The following PAPOLG variants were observed in gnomAD, a reference collection of about 807,000 sequenced individuals.
The protein encoded by PAPOLG is PAP-gamma.
Under a neutral mutation model 99.0 loss-of-function variants are expected in PAPOLG, and 40 were observed. The ratio of observed to expected loss-of-function variants is 0.40; its 90% CI spans 0.31 to 0.53. PAPOLG has a LOEUF of 0.53. Ranked by LOEUF, PAPOLG falls within the 20% of genes least tolerant of loss-of-function variation. The probability of loss-of-function intolerance (pLI) is 0.41; values close to 1 mark genes in which losing one functional copy is unlikely to be tolerated. For missense variants in PAPOLG, 675 were observed against 884.1 expected, an observed-to-expected ratio of 0.76 and a Z score of 3.00; for synonymous variants, 310 against 299.3, an observed-to-expected ratio of 1.04 and a Z score of -0.37.
rs550940295 is a variant in PAPOLG, at chr2:60,795,207, A to G, written c.2112+187A>G. On this transcript the variant is annotated intron_variant, in intron 21 of 21. Coordinates refer to ENST00000238714, the MANE Select transcript of PAPOLG (RefSeq NM_022894.4). ...TATAGTTCTGAATGTATGTACCTCA[A>G]AAGTCTAAAAAAGAGGCAGTAGTTT... 6.3e-4 allele frequency: 415 copies of G among 661,230 alleles called. 1 individual carries two copies. Among genetic ancestry groups the G allele is most frequent in the Middle Eastern group, 2.4e-3 (9 of 3,800 alleles). The allele number at this position is 661,230 out of a possible 1,614,324, so 41.0% of individuals were successfully genotyped here.
At chr2:60,777,110 T>G (rs1403470220) in intron 8 of PAPOLG, among the ~76,000 whole-genome samples, 2 of 152,200 alleles carry the variant, frequency 1.3e-5, no homozygotes, top group Non-Finnish European at 2.9e-5. Context: ...GATTAGACTT[T>G]GGCCTAAGGA....
rs548968984 is a variant in PAPOLG, at chr2:60,800,783, A to G, written c.*3623A>G. The G allele has an allele frequency of 2.0e-5, 3 of 152,320 alleles. No homozygotes were observed. The highest frequency in any genetic ancestry group is 2.9e-5 in the Non-Finnish European group (2 of 68,022). 9.4% of individuals were successfully genotyped at this position (152,320 alleles called of 1,614,324 possible). A position where few individuals can be genotyped will look rare whatever the true frequency, so the allele number is the denominator to read the frequency against. On this transcript the variant is annotated 3_prime_UTR_variant, in exon 22 of 22. Transcript: ENST00000238714. ...TTTAGATCAGCTTCTCGAAGTGGCAAAAGTATGGGAGTTAGGGTTAGGAAC... is the reference window on the plus strand; with the variant it reads ...TTTAGATCAGCTTCTCGAAGTGGCAGAAGTATGGGAGTTAGGGTTAGGAAC...
At chr2:60,773,002 T>C (rs1233881631) in intron 7 of PAPOLG, among the ~76,000 whole-genome samples, 1 of 152,186 alleles carries the variant, frequency 6.6e-6, no homozygotes, top group African/African-American at 2.4e-5. Flanking sequence ...CTCAGCTCTC[T>C]GCAACCTCCG....
At chr2:60,779,562 G>A (rs1671129094) in intron 8 of PAPOLG, 75 bp from the exon 9 acceptor site, 1 of 1,472,714 alleles carries the variant, frequency 6.8e-7, no homozygotes, top group Middle Eastern at 1.8e-4. Flanking sequence ...CATTCACCTT[G>A]TAAAGAGCAG....
At position 60,760,145 on chromosome 2, in the gene PAPOLG, T is replaced by C; in HGVS notation, c.29T>C (p.Leu10Pro). 6.2e-7 allele frequency: 1 copy of C among 1,614,060 alleles called. No homozygotes were observed. Among genetic ancestry groups the C allele is most frequent in the Non-Finnish European group, 8.5e-7 (1 of 1,179,970 alleles). ...ATTTTCTTGAACAGAAACACCGTGC[T>C]GGACAGCCAGCGTCAACAAAAGCAT... MKEMSANTVLDSQRQQKHYG... is the reference protein window; with the variant it reads MKEMSANTVPDSQRQQKHYG... The change falls in exon 2 of 22, where the codon CTG becomes CCG. Residue 10 changes from leucine to proline, a missense_variant. Coordinates refer to ENST00000238714, the MANE Select transcript of PAPOLG (RefSeq NM_022894.4).
At chr2:60,780,258 GTA>G (rs1319359461) in intron 9 of PAPOLG, among the ~76,000 whole-genome samples, 2 of 148,930 alleles carry the variant, frequency 1.3e-5, no homozygotes, top group Non-Finnish European at 3.0e-5. Flanking sequence ...CCTTTCCTTT[GTA>G]TACTTTCTTA....
At chr2:60,768,123 A>G (rs562668611) in intron 3 of PAPOLG, among the ~76,000 whole-genome samples, 1 of 152,058 alleles carries the variant, frequency 6.6e-6, no homozygotes, top group African/African-American at 2.4e-5. Context: ...ATTTTTTGAG[A>G]CAGAGTTTCA....
At position 60,758,042 on chromosome 2, in the gene PAPOLG, T is replaced by C. The variant is rs557566372; in HGVS notation, c.17+1547T>C. On this transcript the variant is annotated intron_variant, in intron 1 of 21. Transcript: ENST00000238714. Reference sequence around the variant, plus strand: ...ATTCTGGCTTGTCCTCTCTTTGACTTTCAGGTACTTATCTGTAAAATGGCA... The same window carrying C: ...ATTCTGGCTTGTCCTCTCTTTGACTCTCAGGTACTTATCTGTAAAATGGCA... 2.0e-5 allele frequency among the ~76,000 whole-genome samples: 3 copies of C among 152,330 alleles called. No individual in the cohort carries two copies. The South Asian group carries it at 6.2e-4, about 32-fold the overall frequency.
intron 15 of PAPOLG, 199 bp from the exon 16 acceptor site, chr2:60,791,562 A>G (rs1200244257): frequency 4.3e-6 from 2 of 467,514 alleles, no homozygotes; most frequent in African/African-American, 2.0e-5. Context: ...CAAAAAAAGA[A>G]AAACTAGTGG....
intron 11 of PAPOLG, 115 bp downstream of exon 11, chr2:60,782,120 ATTCT>A (rs1380124218): frequency 8.9e-7 from 1 of 1,128,732 alleles, no homozygotes; most frequent in Non-Finnish European, 1.3e-6. Context: ...CTTTCTAAAA[ATTCT>A]TTCAAGTATG....
At chr2:60,795,977 C>T (rs530103651) in intron 21 of PAPOLG, among the ~76,000 whole-genome samples, 7 of 152,132 alleles carry the variant, frequency 4.6e-5, no homozygotes, top group African/African-American at 1.7e-4. Flanking sequence ...AAAGTGGGTA[C>T]ACCAAACAAT....
chr2:60,771,649 A>G lies in PAPOLG; in HGVS notation c.604+19A>G. On this transcript the variant is annotated intron_variant, in intron 7 of 21. Coordinates refer to ENST00000238714, the MANE Select transcript of PAPOLG (RefSeq NM_022894.4). Reference sequence around the variant, plus strand: ...TTAAATGGTAAGCTTCTAAAAAGAAATCTCAGATACCTGCTTCAGAACAAT... The same window carrying G: ...TTAAATGGTAAGCTTCTAAAAAGAAGTCTCAGATACCTGCTTCAGAACAAT... 1 of 1,589,324 alleles carries G rather than the reference A, an allele frequency of 6.3e-7. No homozygotes were observed. The highest frequency in any genetic ancestry group is 8.5e-7 in the Non-Finnish European group (1 of 1,174,150).
chr2:60,787,468 AAAT>A (rs753913079), intron 14 of PAPOLG, 40 bp from the exon 15 acceptor site: 89 of 1,558,490 alleles, frequency 5.7e-5, no homozygotes, highest in Admixed American at 1.1e-4. Flanking sequence ...AAGTTGTAAA[AAAT>A]AATAATAATT....
intron 21 of PAPOLG, chr2:60,795,296 T>C (rs952674771): frequency 8.9e-6 from 5 of 564,686 alleles, no homozygotes; most frequent in Admixed American, 8.8e-5. Flanking sequence ...AAAGAAGCAG[T>C]TGGATGCTCA....
chr2:60,777,227 G>A (rs1036264869), intron 8 of PAPOLG, among the ~76,000 whole-genome samples: 4 of 152,130 alleles, frequency 2.6e-5, no homozygotes, highest in East Asian at 1.9e-4. Context: ...AGGCCGAGGC[G>A]AGCGGATCAT....
chr2:60,768,671 T>G, intron 4 of PAPOLG, 110 bp from the exon 5 acceptor site: 2 of 1,340,006 alleles, frequency 1.5e-6, no homozygotes, highest in East Asian at 4.8e-5. Context: ...ATTGTTAACA[T>G]TTTCTTGTAC....
At chr2:60,772,444 C>CT (rs1446941288) in intron 7 of PAPOLG, among the ~76,000 whole-genome samples, 2 of 131,824 alleles carry the variant, frequency 1.5e-5, no homozygotes, top group Non-Finnish European at 3.3e-5. Context: ...GAGACCCTGT[C>CT]TCAAAAAAAA....
At chr2:60,785,733 T>C (rs376732453) in intron 13 of PAPOLG, among the ~76,000 whole-genome samples, 7 of 150,956 alleles carry the variant, frequency 4.6e-5, no homozygotes, top group African/African-American at 1.5e-4. Context: ...AATCTCACTA[T>C]GTTGCCCCAG....
intron 21 of PAPOLG, among the ~76,000 whole-genome samples, chr2:60,795,528 T>C (rs1385519008): frequency 1.3e-5 from 2 of 152,120 alleles, no homozygotes; most frequent in African/African-American, 4.8e-5. Context: ...TAACTAAAAA[T>C]GTGTGTAGTA....
Sources: gnomAD v4.1 joint callset for allele counts (sites outside exome capture counted in the v4.1 genomes callset) on GRCh38, gnomAD v4.1.1 for gene constraint, MANE v1.5 for transcripts, NCBI Gene and HGNC (gene_info 2026-07-23, HGNC 2026-07-21) for gene names.